Variants in USP28 observed in about 807,000 individuals in gnomAD.
The protein encoded by USP28 is ubiquitin specific peptidase 28, also known as ubiquitin carboxyl-terminal hydrolase 28.
Under a neutral mutation model 145.0 loss-of-function variants are expected in USP28, and 113 were observed. That is an observed-to-expected ratio of 0.78 (90% CI 0.67 to 0.91). USP28 has a LOEUF of 0.91. Ranked by LOEUF, USP28 falls within the 40% of genes least tolerant of loss-of-function variation. The probability of loss-of-function intolerance (pLI) is 0.00; values close to 1 mark genes in which losing one functional copy is unlikely to be tolerated. For missense variants in USP28, 1,201 were observed against 1,289.6 expected, an observed-to-expected ratio of 0.93 and a Z score of 1.05; for synonymous variants, 447 against 450.9, an observed-to-expected ratio of 0.99 and a Z score of 0.11.
intron 14 of USP28, among the ~76,000 whole-genome samples, chr11:113,814,668 T>G (rs1402416757): frequency 6.6e-6 from 1 of 151,638 alleles, no homozygotes; most frequent in African/African-American, 2.4e-5. Flanking sequence ...GAGGGGGAGA[T>G]CTTTCCATAT....
At chr11:113,851,766 CAG>C (rs1384910341) in intron 3 of USP28, among the ~76,000 whole-genome samples, 1 of 144,040 alleles carries the variant, frequency 6.9e-6, no homozygotes, top group African/African-American at 2.6e-5. Context: ...GCCTGGATGA[CAG>C]AGTGAGACTC....
intron 17 of USP28, 119 bp downstream of exon 17, chr11:113,808,944 A>G (rs1940500146): frequency 9.5e-6 from 9 of 946,434 alleles, no homozygotes; most frequent in Non-Finnish European, 1.4e-5. Flanking sequence ...TACCAACTGT[A>G]TATGAAATAT....
In USP28 at chr11:113,808,395, G is replaced by GA; in HGVS notation, c.2206dup (p.Ser736PhefsTer2). On this transcript the variant is annotated frameshift_variant, in exon 18 of 25. Coordinates refer to ENST00000003302, the Ensembl canonical transcript of USP28. LOFTEE classifies it high-confidence loss of function. Reference sequence around the variant, plus strand: ...CTCCTTTACAATCACAGCATGCTCAGACGACAAGCAGCGAACCCCATGAGA... The same window carrying GA: ...CTCCTTTACAATCACAGCATGCTCAGAACGACAAGCAGCGAACCCCATGAGA... 1.9e-6 allele frequency: 3 copies of GA among 1,614,114 alleles called. No individual in the cohort carries two copies. Among genetic ancestry groups the GA allele is most frequent in the Non-Finnish European group, 2.5e-6 (3 of 1,180,020 alleles).
chr11:113,817,989 G>A lies in USP28; in HGVS notation c.1284-152C>T, dbSNP rs527514036. The A allele has an allele frequency of 1.4e-4, 100 of 697,168 alleles. 1 individual carries two copies. In the African/African-American group the frequency reaches 1.7e-3, roughly 12 times the overall value. 43.2% of individuals were successfully genotyped at this position (697,168 alleles called of 1,614,324 possible). On this transcript the variant is annotated intron_variant, in intron 12 of 24. Transcript: ENST00000003302. ...TAATAGGGTCCTCAAACAATCTATAGGGTAAAAATTCTCTAACTACAAAAC... is the reference window on the plus strand; with the variant it reads ...TAATAGGGTCCTCAAACAATCTATAAGGTAAAAATTCTCTAACTACAAAAC...
At chr11:113,808,500 A>C in intron 17 of USP28, 63 bp from the exon 18 acceptor site, 1 of 1,569,406 alleles carries the variant, frequency 6.4e-7, no homozygotes, top group African/African-American at 1.4e-5. Flanking sequence ...CACTCAGATA[A>C]AAAGCAAGCA....
chr11:113,833,597 T>C, intron 6 of USP28, 40 bp from the exon 7 acceptor site: 1 of 1,572,336 alleles, frequency 6.4e-7, no homozygotes, highest in East Asian at 2.2e-5. Context: ...CAATATCTCA[T>C]TTAGAAAATC....
In USP28 at chr11:113,854,239, C is replaced by A. The variant is rs200505970; in HGVS notation, c.135+19G>T. On this transcript the variant is annotated intron_variant, in intron 2 of 24. Coordinates refer to ENST00000003302, the Ensembl canonical transcript of USP28. Reference sequence around the variant, plus strand: ...AGCTGCTTTAAAGCCTCCTGACTAACAGAGATCTGGAAACCAACCTTCAGA... The same window carrying A: ...AGCTGCTTTAAAGCCTCCTGACTAAAAGAGATCTGGAAACCAACCTTCAGA... The A allele has an allele frequency of 1.2e-6, 2 of 1,606,078 alleles. No individual in the cohort carries two copies. Among genetic ancestry groups the A allele is most frequent in the African/African-American group, 2.7e-5 (2 of 73,080 alleles).
intron 3 of USP28, among the ~76,000 whole-genome samples, chr11:113,846,072 T>C (rs1050459428): frequency 7.9e-5 from 12 of 152,170 alleles, no homozygotes; most frequent in African/African-American, 2.7e-4. Context: ...TCTGAAGACA[T>C]TGGTAAGTGA....
intron 1 of USP28, among the ~76,000 whole-genome samples, chr11:113,855,039 C>A (rs1946892975): frequency 1.3e-5 from 2 of 152,242 alleles, no homozygotes; most frequent in South Asian, 4.2e-4. Flanking sequence ...TATCATTTTT[C>A]ACTGACAATA....
chr11:113,844,368 C>T (rs1035444941), intron 3 of USP28, among the ~76,000 whole-genome samples: 27 of 151,774 alleles, frequency 1.8e-4, no homozygotes, highest in African/African-American at 6.0e-4. Context: ...ACCCGGGAGC[C>T]GGGAGGCAGA....
intron 3 of USP28, among the ~76,000 whole-genome samples, chr11:113,851,049 T>G (rs895248639): frequency 3.3e-5 from 5 of 152,076 alleles, no homozygotes; most frequent in Admixed American, 3.3e-4. Flanking sequence ...CACCTTTAAC[T>G]CCTCTCTCTC....
chr11:113,872,199 T>G (rs775212399), intron 1 of USP28, among the ~76,000 whole-genome samples: 7 of 152,244 alleles, frequency 4.6e-5, no homozygotes, highest in Non-Finnish European at 7.3e-5. Context: ...TGGAGAGATC[T>G]CGCCTGGTAA....
chr11:113,826,573 C>G (rs912172986), intron 11 of USP28, among the ~76,000 whole-genome samples: 76 of 151,736 alleles, frequency 5.0e-4, no homozygotes, highest in South Asian at 3.5e-3. Context: ...TCCCAAAGTG[C>G]TAGGATTACA....
exon 14 of USP28, chr11:113,815,344 G>A (rs767920807): frequency 1.2e-6 from 2 of 1,614,084 alleles, no homozygotes; most frequent in Non-Finnish European, 1.7e-6. Context: ...AGAAGAAAAG[G>A]TACTTTCAAC....
chr11:113,833,614 T>C, intron 6 of USP28, 57 bp from the exon 7 acceptor site: 1 of 1,546,984 alleles, frequency 6.5e-7, no homozygotes, highest in Admixed American at 2.1e-5. Context: ...AATCAGAACG[T>C]GTAAAGAAAA....
At chr11:113,867,504 T>C (rs1948394486) in intron 1 of USP28, among the ~76,000 whole-genome samples, 1 of 151,668 alleles carries the variant, frequency 6.6e-6, no homozygotes, top group Admixed American at 6.6e-5. Context: ...CTGACCTCAG[T>C]GAGCCACCTC....
At chr11:113,811,548 C>G (rs534428618) in intron 16 of USP28, among the ~76,000 whole-genome samples, 8 of 152,202 alleles carry the variant, frequency 5.3e-5, no homozygotes, top group African/African-American at 1.9e-4. Context: ...ATCAGCTGGG[C>G]ATGGTGGTGG....
intron 19 of USP28, among the ~76,000 whole-genome samples, chr11:113,806,097 TA>T (rs34431962): frequency 0.5 from 73,194 of 147,158 alleles, 18,881 homozygotes; most frequent in South Asian, 0.6. Flanking sequence ...CCCAGCTAAT[TA>T]AAAAAAAAAA....
At chr11:113,853,878 C>CAAAAAAAAAAAA (rs57739058) in intron 2 of USP28, among the ~76,000 whole-genome samples, 5,468 of 121,638 alleles carry the variant, frequency 0.045, 336 homozygotes, top group Non-Finnish European at 0.063. Context: ...GACTCCATCT[C>CAAAAAAAAAAAA]AAAAAAAAAA....
Sources: gnomAD v4.1 joint callset for allele counts (sites outside exome capture counted in the v4.1 genomes callset) on GRCh38, gnomAD v4.1.1 for gene constraint, MANE v1.5 for transcripts, NCBI Gene and HGNC (gene_info 2026-07-23, HGNC 2026-07-21) for gene names.